The following ANKS1B variants were observed in gnomAD, a reference collection of about 807,000 sequenced individuals.
ANKS1B encodes the protein ankyrin repeat and sterile alpha motif domain containing 1B, also known as ankyrin repeat and sterile alpha motif domain-containing protein 1B.
A neutral mutation model predicts 148.3 loss-of-function variants in ANKS1B; 36 were observed. The ratio of observed to expected loss-of-function variants is 0.24; its 90% CI spans 0.19 to 0.32. The LOEUF is 0.32. Among genes scored for constraint, ANKS1B ranks in the 10% least tolerant of loss-of-function variants. ANKS1B has a pLI of 1.00. For missense variants in ANKS1B, 1,157 were observed against 1,542.6 expected (o/e 0.75, Z 4.19); for synonymous variants, 542 against 560.8 (o/e 0.97, Z 0.47).
At chr12:99,116,011 TG>T (rs1483630616) in intron 15 of ANKS1B, among the ~76,000 whole-genome samples, 1 of 151,808 alleles carries the variant, frequency 6.6e-6, no homozygotes, top group Admixed American at 6.6e-5. Flanking sequence ...TTCCTAGCTG[TG>T]TGGTCTTGGA....
intron 8 of ANKS1B, among the ~76,000 whole-genome samples, chr12:99,669,646 T>G (rs1462225040): frequency 6.6e-6 from 1 of 152,194 alleles, no homozygotes; most frequent in Non-Finnish European, 1.5e-5. Context: ...TTGTTCTTTC[T>G]TTGGAGGTTT....
chr12:99,947,026 AATGGCCAAGG>A (rs956325671), intron 1 of ANKS1B, among the ~76,000 whole-genome samples: 7 of 152,132 alleles, frequency 4.6e-5, no homozygotes, highest in African/African-American at 1.4e-4. Flanking sequence ...ACTACAGGAA[AATGGCCAAGG>A]AGGACCTGTG....
At chr12:99,958,602 C>G (rs887397994) in intron 1 of ANKS1B, among the ~76,000 whole-genome samples, 2 of 152,188 alleles carry the variant, frequency 1.3e-5, no homozygotes, top group Non-Finnish European at 2.9e-5. Context: ...CCAGGCTGGT[C>G]TCTAACTCCT....
chr12:98,839,364 T>C (rs751928810), intron 17 of ANKS1B, among the ~76,000 whole-genome samples: 1 of 149,550 alleles, frequency 6.7e-6, no homozygotes, highest in Non-Finnish European at 1.5e-5. Flanking sequence ...TATTTGTGTG[T>C]ATGTATGTAG....
intron 12 of ANKS1B, among the ~76,000 whole-genome samples, chr12:99,369,008 G>A (rs956790208): frequency 3.3e-5 from 5 of 152,130 alleles, no homozygotes; most frequent in South Asian, 2.1e-4. Flanking sequence ...AAACCCTTAC[G>A]TGAAAGTTCA....
At chr12:99,155,239 G>C in intron 14 of ANKS1B, 1 of 859,540 alleles carries the variant, frequency 1.2e-6, no homozygotes, top group East Asian at 2.9e-5. Context: ...ATGGAGCACA[G>C]ATAAACGTTT....
chr12:99,850,553 C>T (rs2087637073), intron 1 of ANKS1B, among the ~76,000 whole-genome samples: 1 of 151,910 alleles, frequency 6.6e-6, no homozygotes. Context: ...ATCAATAATT[C>T]TAGGTTTCTA....
intron 12 of ANKS1B, among the ~76,000 whole-genome samples, chr12:99,300,535 C>G (rs1272354017): frequency 4.6e-5 from 7 of 151,840 alleles, no homozygotes; most frequent in Admixed American, 4.6e-4. Flanking sequence ...CTCCATGGAG[C>G]ATCTACATTT....
intron 9 of ANKS1B, among the ~76,000 whole-genome samples, chr12:99,510,060 A>ATTTTTTT (rs775850174): frequency 6.6e-6 from 1 of 151,982 alleles, no homozygotes; most frequent in Non-Finnish European, 1.5e-5. Flanking sequence ...TTTACTGAAT[A>ATTTTTTT]TTTTAAGCCC....
chr12:99,177,230 C>T (rs1456532480), intron 14 of ANKS1B, among the ~76,000 whole-genome samples: 9 of 152,182 alleles, frequency 5.9e-5, no homozygotes, highest in South Asian at 4.1e-4. Context: ...TGTTCCCTGA[C>T]GCTAGCATGC....
rs1379880035 is a variant in ANKS1B at position 99,054,498 on chromosome 12, TCC to T, written c.2626-1191_2626-1190del. The stretch of plus-strand genomic sequence containing the variant: ...TTTTTCTCTTTTCCAGTTGTTCCGC[TCC>T]CCATTCTAGTTTCCATTTCAAAGTT... On this transcript the variant is annotated intron_variant, in intron 16 of 26. Transcript: ENST00000683438. Among the ~76,000 whole-genome samples, 3 of 152,264 alleles carry T rather than the reference TCC, an allele frequency of 2.0e-5. No homozygotes were observed. In the East Asian group the frequency reaches 5.8e-4, roughly 29 times the overall value.
chr12:99,670,494 A>C (rs560090099), intron 8 of ANKS1B, among the ~76,000 whole-genome samples: 3 of 152,146 alleles, frequency 2.0e-5, no homozygotes, highest in African/African-American at 7.2e-5. Flanking sequence ...ATTTCAAATA[A>C]ATTTATTTAA....
chr12:98,772,362 G>A (rs2098597465), intron 25 of ANKS1B, among the ~76,000 whole-genome samples: 1 of 152,202 alleles, frequency 6.6e-6, no homozygotes, highest in African/African-American at 2.4e-5. Context: ...GAAAGGCGAT[G>A]TGAGGACACA....
intron 17 of ANKS1B, among the ~76,000 whole-genome samples, chr12:98,926,152 G>A (rs2099807875): frequency 6.6e-6 from 1 of 152,134 alleles, no homozygotes; most frequent in Non-Finnish European, 1.5e-5. Flanking sequence ...GAAGGCTAAG[G>A]CAGAGTTGTA....
At chr12:99,770,661 A>G (rs1192953647) in intron 8 of ANKS1B, among the ~76,000 whole-genome samples, 1 of 151,988 alleles carries the variant, frequency 6.6e-6, no homozygotes, top group South Asian at 2.1e-4. Flanking sequence ...AAAATCCTTT[A>G]GATTTTTCTC....
chr12:99,898,683 C>T (rs777014693), intron 1 of ANKS1B, among the ~76,000 whole-genome samples: 1 of 152,092 alleles, frequency 6.6e-6, no homozygotes, highest in Non-Finnish European at 1.5e-5. Context: ...ATGAAGAAAG[C>T]AAAGATTGGA....
chr12:99,641,708 A>C (rs528283992), intron 9 of ANKS1B, among the ~76,000 whole-genome samples: 1 of 152,342 alleles, frequency 6.6e-6, no homozygotes, highest in South Asian at 2.1e-4. Context: ...CATTGATATC[A>C]ATATCAAAAT....
At chr12:99,674,862 T>C (rs1258788649) in intron 8 of ANKS1B, among the ~76,000 whole-genome samples, 4 of 151,756 alleles carry the variant, frequency 2.6e-5, no homozygotes, top group African/African-American at 4.8e-5. Flanking sequence ...TTATTTACAA[T>C]AAATACAACA....
intron 16 of ANKS1B, among the ~76,000 whole-genome samples, chr12:99,055,802 T>C (rs149371577): frequency 6.6e-6 from 1 of 152,176 alleles, no homozygotes; most frequent in African/African-American, 2.4e-5. Flanking sequence ...TTTACATGGT[T>C]GGAAAGTTAT....
Sources: gnomAD v4.1 joint callset for allele counts (sites outside exome capture counted in the v4.1 genomes callset) on GRCh38, gnomAD v4.1.1 for gene constraint, MANE v1.5 for transcripts, NCBI Gene and HGNC (gene_info 2026-07-23, HGNC 2026-07-21) for gene names.